The following TTC39C variants were observed in gnomAD, a reference collection of about 807,000 sequenced individuals.
TTC39C encodes tetratricopeptide repeat domain 39C.
TTC39C carries 33 observed loss-of-function variants against 76.3 expected under a neutral mutation model. That is an observed-to-expected ratio of 0.43 (90% CI 0.33 to 0.58). TTC39C has a LOEUF of 0.58. TTC39C is among the 20% of genes least tolerant of loss of function. TTC39C has a pLI of 0.04. For synonymous variants in TTC39C, 254 were observed against 260.6 expected (o/e 0.97, Z 0.24); for missense variants, 595 against 701.4 (o/e 0.85, Z 1.71).
intron 9 of TTC39C, among the ~76,000 whole-genome samples, chr18:24,124,888 G>A (rs191841018): frequency 2.0e-5 from 3 of 152,180 alleles, no homozygotes; most frequent in East Asian, 3.9e-4. Flanking sequence ...TATACACTGC[G>A]TCTTTTTTTG....
intron 1 of TTC39C, among the ~76,000 whole-genome samples, chr18:24,037,567 A>C (rs1294761713): frequency 6.6e-6 from 1 of 152,218 alleles, no homozygotes; most frequent in Non-Finnish European, 1.5e-5. Context: ...GCAGAGTCTC[A>C]GATAGACCAT....
At chr18:24,093,603 T>C (rs2084554813) in intron 6 of TTC39C, among the ~76,000 whole-genome samples, 1 of 152,124 alleles carries the variant, frequency 6.6e-6, no homozygotes, top group Non-Finnish European at 1.5e-5. Flanking sequence ...TATACAGGCA[T>C]ACATCAGAGA....
intron 1 of TTC39C, among the ~76,000 whole-genome samples, chr18:24,060,062 T>C (rs941740074): frequency 2.0e-5 from 3 of 152,160 alleles, no homozygotes; most frequent in Non-Finnish European, 4.4e-5. Context: ...TTATGGGAGC[T>C]ACAATTCAAG....
At position 24,080,611 on chromosome 18, in the gene TTC39C, A is replaced by AG. The variant is rs1344326959; in HGVS notation, c.489dup (p.Lys164GlufsTer8). ...TTATATCAAAGGTGGGTGGATCCTT[A>AG]GGAAAGCCTGGAAGATTTACAATAA... On this transcript the variant is annotated frameshift_variant, in exon 5 of 14. Coordinates refer to ENST00000317571, the MANE Select transcript of TTC39C (RefSeq NM_001135993.2). LOFTEE classifies it high-confidence loss of function. 42 of 1,610,058 alleles carry AG rather than the reference A, an allele frequency of 2.6e-5. No individual in the cohort carries two copies. Among genetic ancestry groups the AG allele is most frequent in the African/African-American group, 4.0e-5 (3 of 74,728 alleles).
Position 24,064,623 on chromosome 18 carries a change from T to C in TTC39C, c.216+435T>C, listed in dbSNP as rs752175934. Reference sequence around the variant, plus strand: ...TATGAGTATTTGGGAATTGAGGAAGTAGGTTGCAGTTAGTTTTAAAGTACA... The same window carrying C: ...TATGAGTATTTGGGAATTGAGGAAGCAGGTTGCAGTTAGTTTTAAAGTACA... On this transcript the variant is annotated intron_variant, in intron 2 of 13. Transcript: ENST00000317571. 5.0e-4 allele frequency among the ~76,000 whole-genome samples: 76 copies of C among 152,308 alleles called. No homozygotes were observed. In the Middle Eastern group the frequency reaches 0.01, roughly 20 times the overall value.
chr18:24,028,473 A>G (rs924809653), intron 1 of TTC39C, among the ~76,000 whole-genome samples: 6 of 152,224 alleles, frequency 3.9e-5, no homozygotes, highest in African/African-American at 1.4e-4. Context: ...ACTAAAGTCT[A>G]GAAATTTATA....
Position 24,044,472 on chromosome 18 carries a change from G to T in TTC39C, c.168-19668G>T, listed in dbSNP as rs375729153. Among the ~76,000 whole-genome samples the T allele has an allele frequency of 6.7e-4, 102 of 152,298 alleles. 2 individuals are homozygous for T. The South Asian group carries it at 0.021, about 31-fold the overall frequency. ...AGTGGCATGGTGAAGTGTCTCCAGG[G>T]TGCACCGCTTTTGCGGCAGTTTAGT... On this transcript the variant is annotated intron_variant, in intron 1 of 13. Coordinates refer to ENST00000317571, the MANE Select transcript of TTC39C (RefSeq NM_001135993.2).
chr18:24,117,055 C>T (rs571378265), intron 7 of TTC39C, among the ~76,000 whole-genome samples: 30 of 151,702 alleles, frequency 2.0e-4, no homozygotes, highest in Non-Finnish European at 3.7e-4. Context: ...TGGGCTCAAG[C>T]GATCCTCCCA....
chr18:24,107,850 C>A (rs971716534), intron 6 of TTC39C, among the ~76,000 whole-genome samples: 1 of 151,812 alleles, frequency 6.6e-6, no homozygotes, highest in African/African-American at 2.4e-5. Context: ...GCCTCGACCT[C>A]CCGGCTCAAG....
chr18:23,996,306 C>G (rs893241862), intron 1 of TTC39C, among the ~76,000 whole-genome samples: 1 of 152,228 alleles, frequency 6.6e-6, no homozygotes, highest in Admixed American at 6.5e-5. Context: ...GAAAACTTCC[C>G]TAAGTGTATC....
chr18:24,109,131 G>A (rs1157843746), intron 6 of TTC39C, among the ~76,000 whole-genome samples: 2 of 137,600 alleles, frequency 1.5e-5, no homozygotes, highest in Non-Finnish European at 3.0e-5. Flanking sequence ...CTGAGGCCAG[G>A]AGTTTGAGAA....
intron 3 of TTC39C, among the ~76,000 whole-genome samples, chr18:24,067,388 T>C (rs1009659014): frequency 6.6e-6 from 1 of 152,134 alleles, no homozygotes; most frequent in African/African-American, 2.4e-5. Context: ...AGTCTCACGG[T>C]TCTTTAATGT....
At position 24,087,307 on chromosome 18, in the gene TTC39C, T is replaced by G. The variant is rs528899366; in HGVS notation, c.984+4226T>G. ...TATTTTCATAAACTGTTTTCAGTTG[T>G]CTCTGCTCTTTCTTCTTTAAGCAAT... On this transcript the variant is annotated intron_variant, in intron 6 of 13. Coordinates refer to ENST00000317571, the MANE Select transcript of TTC39C (RefSeq NM_001135993.2). 1.3e-3 allele frequency among the ~76,000 whole-genome samples: 193 copies of G among 152,368 alleles called. 1 individual carries two copies. Among genetic ancestry groups the G allele is most frequent in the Middle Eastern group, 3.4e-3 (1 of 294 alleles).
chr18:24,003,665 A>C (rs1055482861), intron 1 of TTC39C, among the ~76,000 whole-genome samples: 1 of 148,234 alleles, frequency 6.7e-6, no homozygotes, highest in Non-Finnish European at 1.5e-5. Context: ...CTTGTATGAA[A>C]AAAAAAAGCT....
At chr18:24,132,334 G>A in intron 13 of TTC39C, 151 bp from the exon 14 acceptor site, 1 of 592,606 alleles carries the variant, frequency 1.7e-6, no homozygotes, top group East Asian at 3.1e-5. Flanking sequence ...TTTGAGGTTT[G>A]AGTAATATGA....
At chr18:24,119,460 T>C (rs1338038808) in intron 8 of TTC39C, among the ~76,000 whole-genome samples, 1 of 152,250 alleles carries the variant, frequency 6.6e-6, no homozygotes, top group Non-Finnish European at 1.5e-5. Context: ...CCCTCTTAAC[T>C]GATCTATATA....
rs368148244 is a variant in TTC39C at position 24,132,616 on chromosome 18, C to T, written c.*42C>T. ...GCTCCGTCCCTCCCCACCCAGGGTC[C>T]GCACTTTAAAATAAAAGCAGAGGAC... is the stretch of plus-strand genomic sequence containing the variant. On this transcript the variant is annotated 3_prime_UTR_variant, in exon 14 of 14. Coordinates refer to ENST00000317571, the MANE Select transcript of TTC39C (RefSeq NM_001135993.2). 2.7e-5 allele frequency: 42 copies of T among 1,549,892 alleles called. No homozygotes were observed. Among genetic ancestry groups the T allele is most frequent in the African/African-American group, 4.1e-5 (3 of 72,892 alleles).
At chr18:24,072,358 A>T (rs556795065) in intron 4 of TTC39C, among the ~76,000 whole-genome samples, 6 of 152,104 alleles carry the variant, frequency 3.9e-5, no homozygotes, top group Non-Finnish European at 7.4e-5. Context: ...CAGTGGCACA[A>T]TCTCGGCTCA....
chr18:24,022,984 T>G (rs2083535138), intron 1 of TTC39C: 1 of 650,760 alleles, frequency 1.5e-6, no homozygotes, highest in Non-Finnish European at 1.9e-6. Flanking sequence ...TCTGCCTGTC[T>G]GCATGAGAGG....
Sources: gnomAD v4.1 joint callset for allele counts (sites outside exome capture counted in the v4.1 genomes callset) on GRCh38, gnomAD v4.1.1 for gene constraint, MANE v1.5 for transcripts, NCBI Gene and HGNC (gene_info 2026-07-23, HGNC 2026-07-21) for gene names.